OCA2: variants seen among roughly 807,000 people sequenced by gnomAD.
OCA2 encodes the protein P protein.
In OCA2, 77 loss-of-function variants were observed where a neutral mutation model predicts 100.2. The observed-to-expected ratio is 0.77, with a 90% CI of 0.64 to 0.93. OCA2 has a LOEUF of 0.93. Ranked by LOEUF, OCA2 falls within the 40% of genes least tolerant of loss-of-function variation. The probability of loss-of-function intolerance (pLI) is 0.00; values close to 1 mark genes in which losing one functional copy is unlikely to be tolerated. For missense variants in OCA2, 1,062 were observed against 1,089.1 expected, an observed-to-expected ratio of 0.98 and a Z score of 0.35; for synonymous variants, 432 against 439.2, an observed-to-expected ratio of 0.98 and a Z score of 0.21.
At chr15:27,883,981 T>C (rs1253044231) in intron 19 of OCA2, among the ~76,000 whole-genome samples, 1 of 152,256 alleles carries the variant, frequency 6.6e-6, no homozygotes, top group East Asian at 1.9e-4. Context: ...ATTGAATTAT[T>C]TTAAATGAAC....
the OCA2 span, among the ~76,000 whole-genome samples, chr15:27,722,753 T>C: frequency 0.67 from 96,997 of 143,940 alleles, 32,886 homozygotes; most frequent in African/African-American, 0.77. Context: ...TTTCTTCTTC[T>C]TTCCTTCCTT....
chr15:27,960,743 A>C (rs2040382633), intron 15 of OCA2, among the ~76,000 whole-genome samples: 1 of 152,036 alleles, frequency 6.6e-6, no homozygotes, highest in Admixed American at 6.6e-5. Flanking sequence ...ACTCTACTAA[A>C]AATACAAAAA....
intron 2 of OCA2, among the ~76,000 whole-genome samples, chr15:28,042,097 A>G (rs879453467): frequency 2.6e-5 from 4 of 152,234 alleles, no homozygotes; most frequent in Admixed American, 2.6e-4. Flanking sequence ...TGTTACATAT[A>G]TTATTTTGTG....
chr15:27,832,882 G>A (rs1260550018), intron 23 of OCA2, among the ~76,000 whole-genome samples: 3 of 139,588 alleles, frequency 2.1e-5, no homozygotes, highest in African/African-American at 2.7e-5. Context: ...GCACGATCTC[G>A]GGTCACTGCA....
At chr15:28,081,976 G>A (rs1156318316) in intron 1 of OCA2, 81 bp from the exon 2 acceptor site, 68 of 1,178,436 alleles carry the variant, frequency 5.8e-5, no homozygotes, top group Non-Finnish European at 7.9e-5. Context: ...CGTACAATAG[G>A]AAGGTTGCTT....
intron 9 of OCA2, among the ~76,000 whole-genome samples, chr15:28,004,440 G>C (rs1014154262): frequency 6.6e-5 from 10 of 152,242 alleles, no homozygotes; most frequent in African/African-American, 2.4e-4. Flanking sequence ...GGGAGCCTGC[G>C]GGGACGCCAG....
intron 23 of OCA2, among the ~76,000 whole-genome samples, chr15:27,782,869 T>G (rs188636030): frequency 2.6e-5 from 4 of 152,344 alleles, no homozygotes; most frequent in African/African-American, 9.6e-5. Context: ...CTTCATTAGC[T>G]CATAAATTTG....
At chr15:27,909,797 G>A (rs932689009) in intron 19 of OCA2, among the ~76,000 whole-genome samples, 2 of 152,162 alleles carry the variant, frequency 1.3e-5, no homozygotes, top group African/African-American at 4.8e-5. Flanking sequence ...TAGCATAGAA[G>A]TAATGGGTGA....
intron 23 of OCA2, among the ~76,000 whole-genome samples, chr15:27,839,055 G>A (rs1403470615): frequency 1.3e-5 from 2 of 152,164 alleles, no homozygotes; most frequent in Non-Finnish European, 2.9e-5. Flanking sequence ...CAATTAGTAA[G>A]TGCGTGGAGA....
intron 1 of OCA2, among the ~76,000 whole-genome samples, chr15:28,087,651 G>T (rs2044799775): frequency 6.6e-6 from 1 of 152,206 alleles, no homozygotes; most frequent in African/African-American, 2.4e-5. Context: ...GGAGGCTGAG[G>T]TAGGAGAATC....
intron 23 of OCA2, among the ~76,000 whole-genome samples, chr15:27,761,359 T>C (rs1265240019): frequency 1.3e-5 from 2 of 151,964 alleles, no homozygotes; most frequent in Non-Finnish European, 2.9e-5. Flanking sequence ...CAATTAAAAT[T>C]AAACACTTAG....
chr15:28,016,408 G>A (rs1248047682), intron 7 of OCA2, among the ~76,000 whole-genome samples: 1 of 152,140 alleles, frequency 6.6e-6, no homozygotes, highest in Non-Finnish European at 1.5e-5. Flanking sequence ...TTAAGAAAAA[G>A]GATTCAAAAG....
rs573265277 is a variant in OCA2, at chr15:27,781,280, C to G, written c.2433-25808G>C. Among the ~76,000 whole-genome samples, 6 of 152,320 alleles carry G rather than the reference C, an allele frequency of 3.9e-5. No individual in the cohort carries two copies. In the South Asian group the frequency reaches 8.3e-4, roughly 21 times the overall value. On this transcript the variant is annotated intron_variant, in intron 23 of 23. Coordinates refer to ENST00000354638, the MANE Select transcript of OCA2 (RefSeq NM_000275.3). ...ACCAAGCCTCCCTTGTATTCTTTTT[C>G]AGGTCCAGCACACCCAGTTCCTACC...
chr15:27,895,884 T>C (rs2037667262), intron 19 of OCA2: 1 of 574,982 alleles, frequency 1.7e-6, no homozygotes, highest in South Asian at 1.9e-5. Context: ...AGAGATATTA[T>C]TTATCAGGTT....
intron 16 of OCA2, among the ~76,000 whole-genome samples, chr15:27,955,615 A>G (rs748436660): frequency 6.6e-6 from 1 of 152,172 alleles, no homozygotes; most frequent in Non-Finnish European, 1.5e-5. Flanking sequence ...CTATACAACT[A>G]TTACAACCAA....
intron 21 of OCA2, among the ~76,000 whole-genome samples, chr15:27,852,197 T>G (rs1421798387): frequency 6.6e-6 from 1 of 152,244 alleles, no homozygotes. Flanking sequence ...GTAAGAAATT[T>G]GTGTTCAAGT....
intron 22 of OCA2, among the ~76,000 whole-genome samples, chr15:27,846,859 G>A (rs72710548): frequency 9.1e-4 from 139 of 152,314 alleles, no homozygotes; most frequent in Non-Finnish European, 1.7e-3. Flanking sequence ...AGGATGGGGG[G>A]CAAGTGGGGA....
chr15:27,854,072 A>G (rs566965257), intron 21 of OCA2, among the ~76,000 whole-genome samples: 2 of 152,216 alleles, frequency 1.3e-5, no homozygotes, highest in South Asian at 4.1e-4. Flanking sequence ...GCTGCATCCC[A>G]CTGGGGCAGG....
chr15:28,092,542 G>A (rs1170244886), intron 1 of OCA2, among the ~76,000 whole-genome samples: 3 of 152,040 alleles, frequency 2.0e-5, no homozygotes, highest in Admixed American at 2.0e-4. Context: ...TAGTAGAGAT[G>A]GGGTCTTACT....
Sources: allele counts gnomAD v4.1 joint callset (sites outside exome capture counted in the v4.1 genomes callset), GRCh38; gene constraint gnomAD v4.1.1; transcripts MANE v1.5; gene names NCBI Gene and HGNC (gene_info 2026-07-23, HGNC 2026-07-21).